The following TNIK variants were observed in gnomAD, a reference collection of about 807,000 sequenced individuals.
TNIK encodes the protein TRAF2 and NCK-interacting protein kinase.
Under a neutral mutation model 191.3 loss-of-function variants are expected in TNIK, and 49 were observed. The ratio of observed to expected loss-of-function variants is 0.26; its 90% CI spans 0.20 to 0.32. The LOEUF is 0.32. TNIK is among the 10% of genes least tolerant of loss of function. TNIK has a pLI of 1.00. For missense variants in TNIK, 1,155 were observed against 1,702.3 expected, an observed-to-expected ratio of 0.68 and a Z score of 5.66; for synonymous variants, 594 against 600.9, an observed-to-expected ratio of 0.99 and a Z score of 0.17.
intron 27 of TNIK, among the ~76,000 whole-genome samples, chr3:171,081,373 A>G (rs753165839): frequency 6.6e-6 from 1 of 151,826 alleles, no homozygotes; most frequent in East Asian, 1.9e-4. Context: ...TCGTGAAACA[A>G]TGGCTGAGCA....
chr3:171,281,186 C>T (rs1456647239), intron 2 of TNIK, among the ~76,000 whole-genome samples: 1 of 146,220 alleles, frequency 6.8e-6, no homozygotes, highest in Non-Finnish European at 1.5e-5. Context: ...TCTTTGGCCT[C>T]AAAAAAAAAA....
intron 1 of TNIK, among the ~76,000 whole-genome samples, chr3:171,444,313 G>A (rs1256174330): frequency 6.6e-6 from 1 of 152,180 alleles, no homozygotes; most frequent in Non-Finnish European, 1.5e-5. Flanking sequence ...TCAACCTGCT[G>A]TCTAGATTCC....
rs1745552863 is a variant in TNIK at position 171,246,062 on chromosome 3, G to A, written c.124-17841C>T. Among the ~76,000 whole-genome samples the A allele has an allele frequency of 2.0e-5, 3 of 152,282 alleles. No homozygotes were observed. The South Asian group carries it at 6.2e-4, about 32-fold the overall frequency. On this transcript the variant is annotated intron_variant, in intron 2 of 32. Transcript: ENST00000436636. ...TGCAGCTTCAGATAGAGGGAAAGGA[G>A]CTATGTGTGAGTGAGGGAGGAAGAC...
chr3:171,189,972 T>C (rs963849348), intron 6 of TNIK, among the ~76,000 whole-genome samples: 5 of 152,218 alleles, frequency 3.3e-5, no homozygotes, highest in African/African-American at 1.2e-4. Context: ...ACATAGAAGA[T>C]GTTTAAATCT....
intron 2 of TNIK, among the ~76,000 whole-genome samples, chr3:171,294,435 A>G (rs572387108): frequency 6.6e-6 from 1 of 152,124 alleles, no homozygotes; most frequent in South Asian, 2.1e-4. Context: ...AAATAATAAT[A>G]GTAGGCCAGT....
intron 28 of TNIK, among the ~76,000 whole-genome samples, chr3:171,074,166 C>G (rs1406610849): frequency 6.6e-6 from 1 of 151,820 alleles, no homozygotes; most frequent in Non-Finnish European, 1.5e-5. Context: ...ATATATACAG[C>G]ATGGAATACT....
intron 7 of TNIK, among the ~76,000 whole-genome samples, chr3:171,187,804 T>G (rs973107779): frequency 5.3e-5 from 8 of 152,108 alleles, no homozygotes; most frequent in African/African-American, 1.9e-4. Context: ...AGTGTTTTGG[T>G]GAAAAGTCCA....
chr3:171,398,401 C>T (rs1720507623), intron 1 of TNIK, among the ~76,000 whole-genome samples: 1 of 152,168 alleles, frequency 6.6e-6, no homozygotes, highest in Admixed American at 6.5e-5. Context: ...AGAACACCAG[C>T]TTCTGTGTTT....
At position 171,174,841 on chromosome 3, in the gene TNIK, G is replaced by A. The variant is rs1164939551; in HGVS notation, c.773+411C>T. Among the ~76,000 whole-genome samples, 4 of 152,068 alleles carry A rather than the reference G, an allele frequency of 2.6e-5. No individual in the cohort carries two copies. In the East Asian group the frequency reaches 7.7e-4, roughly 29 times the overall value. ...AATAATCTCAAACATTACCTGGTAT[G>A]TATATGCACTTAGGGAATGATTGTT... On this transcript the variant is annotated intron_variant, in intron 9 of 32. Coordinates refer to ENST00000436636, the MANE Select transcript of TNIK (RefSeq NM_015028.4).
chr3:171,429,939 T>A (rs986632991), intron 1 of TNIK, among the ~76,000 whole-genome samples: 1 of 152,124 alleles, frequency 6.6e-6, no homozygotes, highest in African/African-American at 2.4e-5. Context: ...AAAAATGTGA[T>A]CCTGAAAGCA....
chr3:171,273,230 A>G (rs1749340846), intron 2 of TNIK, among the ~76,000 whole-genome samples: 1 of 152,170 alleles, frequency 6.6e-6, no homozygotes, highest in Non-Finnish European at 1.5e-5. Flanking sequence ...TAAAGCCTGG[A>G]GCTACAGGGA....
intron 1 of TNIK, among the ~76,000 whole-genome samples, chr3:171,421,808 T>A (rs1436223142): frequency 2.8e-5 from 4 of 143,430 alleles, no homozygotes; most frequent in Admixed American, 7.4e-5. Flanking sequence ...CTCAGCTCAC[T>A]GCAACCTCCG....
intron 23 of TNIK, among the ~76,000 whole-genome samples, chr3:171,088,500 T>C (rs1015730769): frequency 2.6e-5 from 4 of 152,228 alleles, no homozygotes; most frequent in African/African-American, 9.7e-5. Flanking sequence ...CCCAAAGTGC[T>C]GGGATGACAC....
intron 1 of TNIK, among the ~76,000 whole-genome samples, chr3:171,390,032 T>C (rs2108543743): frequency 6.6e-6 from 1 of 152,304 alleles, no homozygotes; most frequent in Middle Eastern, 3.4e-3. Context: ...TGGAGCTGTG[T>C]GACAAGGTGG....
chr3:171,377,156 T>G (rs16856225), intron 1 of TNIK, among the ~76,000 whole-genome samples: 3,118 of 152,286 alleles, frequency 0.02, 101 homozygotes, highest in African/African-American at 0.072. Context: ...TGGCTAGTGT[T>G]GGTATCCTCT....
At chr3:171,174,300 G>A (rs1452303751) in intron 9 of TNIK, among the ~76,000 whole-genome samples, 1 of 152,152 alleles carries the variant, frequency 6.6e-6, no homozygotes, top group East Asian at 1.9e-4. Flanking sequence ...GCCTGATCAT[G>A]AAGGGCTATG....
At chr3:171,112,984 A>ATG (rs1474845318) in intron 18 of TNIK, among the ~76,000 whole-genome samples, 1 of 152,116 alleles carries the variant, frequency 6.6e-6, no homozygotes, top group African/African-American at 2.4e-5. Flanking sequence ...GGGTGTGTGC[A>ATG]TGTGTGTGTG....
chr3:171,459,744 A>G (rs530495215), intron 1 of TNIK, among the ~76,000 whole-genome samples: 1 of 151,484 alleles, frequency 6.6e-6, no homozygotes, highest in African/African-American at 2.4e-5. Context: ...CACCGGTATA[A>G]GATGAAACTG....
chr3:171,152,776 G>GTT (rs11346783), intron 12 of TNIK, among the ~76,000 whole-genome samples: 1 of 139,812 alleles, frequency 7.2e-6, no homozygotes, highest in Non-Finnish European at 1.6e-5. Flanking sequence ...TTTGTTTTTT[G>GTT]TTTTTTTTTT....
Sources: allele counts gnomAD v4.1 joint callset (sites outside exome capture counted in the v4.1 genomes callset), GRCh38; gene constraint gnomAD v4.1.1; transcripts MANE v1.5; gene names NCBI Gene and HGNC (gene_info 2026-07-23, HGNC 2026-07-21).